FHOD3: variants seen among roughly 807,000 people sequenced by gnomAD.
FHOD3 encodes the protein formin homology 2 domain containing 3.
In FHOD3, 90 loss-of-function variants were observed where a neutral mutation model predicts 173.0. The ratio of observed to expected loss-of-function variants is 0.52; its 90% confidence interval spans 0.44 to 0.62. The LOEUF is 0.62. Ranked by LOEUF, FHOD3 falls within the 20% of genes least tolerant of loss-of-function variation. The pLI, the probability that FHOD3 is intolerant of heterozygous loss-of-function variation, is 0.00. For synonymous variants in FHOD3, 828 were observed against 823.0 expected (o/e 1.01, Z -0.10); for missense variants, 1,945 against 2,034.7 (o/e 0.96, Z 0.85).
At chr18:36,483,040 G>C (rs781707577) in intron 3 of FHOD3, among the ~76,000 whole-genome samples, 5 of 152,242 alleles carry the variant, frequency 3.3e-5, no homozygotes, top group Non-Finnish European at 5.9e-5. Flanking sequence ...AAGAGAGATG[G>C]AACTTCACTT....
chr18:36,504,212 C>T (rs1475308875), intron 4 of FHOD3, among the ~76,000 whole-genome samples: 1 of 152,178 alleles, frequency 6.6e-6, no homozygotes, highest in Non-Finnish European at 1.5e-5. Flanking sequence ...TGATCTACCA[C>T]GCCTGGCCTG....
Position 36,330,656 on chromosome 18 carries a change from T to C in FHOD3, c.166-24883T>C, listed in dbSNP as rs967117116. On this transcript the variant is annotated intron_variant, in intron 1 of 28. Transcript: ENST00000590592. The stretch of plus-strand genomic sequence containing the variant: ...ATCAAGCCTGTGAAAAGCTGGCTGC[T>C]GCCACCAGAGGTAGGCAGGGTGACT... 2.6e-5 allele frequency among the ~76,000 whole-genome samples: 4 copies of C among 152,282 alleles called. No individual in the cohort carries two copies. The East Asian group carries it at 7.7e-4, about 29-fold the overall frequency.
At chr18:36,657,998 T>C in intron 13 of FHOD3, 77 bp from the exon 14 acceptor site, 2 of 1,083,296 alleles carry the variant, frequency 1.8e-6, no homozygotes, top group Non-Finnish European at 2.8e-6. Context: ...ATTAAAATGG[T>C]TTGCTAAGTC....
intron 10 of FHOD3, among the ~76,000 whole-genome samples, chr18:36,638,089 ATACTTCC>A (rs2035020665): frequency 6.6e-6 from 1 of 152,318 alleles, no homozygotes; most frequent in African/African-American, 2.4e-5. Context: ...TAGTATAAGC[ATACTTCC>A]TTTCTCAAAG....
intron 10 of FHOD3, among the ~76,000 whole-genome samples, chr18:36,635,332 G>A (rs1344614283): frequency 6.6e-6 from 1 of 152,220 alleles, no homozygotes; most frequent in Non-Finnish European, 1.5e-5. Context: ...AGGTTCTGAA[G>A]AAATTGGCAA....
At chr18:36,730,579 A>G in intron 19 of FHOD3, 67 bp from the exon 20 acceptor site, 1 of 1,506,796 alleles carries the variant, frequency 6.6e-7, no homozygotes, top group Non-Finnish European at 9.1e-7. Context: ...GAGTGCTTTT[A>G]ATAATGAAAT....
At chr18:36,642,398 T>C (rs2035376510) in intron 10 of FHOD3, among the ~76,000 whole-genome samples, 1 of 152,026 alleles carries the variant, frequency 6.6e-6, no homozygotes, top group South Asian at 2.1e-4. Flanking sequence ...GGCAGGTGGA[T>C]CACGAGGTCA....
At chr18:36,681,361 G>C (rs1191746616) in intron 14 of FHOD3, 75 bp from the exon 15 acceptor site, 2 of 1,573,726 alleles carry the variant, frequency 1.3e-6, no homozygotes, top group African/African-American at 2.7e-5. Flanking sequence ...TTCTAACCAA[G>C]GTCTGACTGG....
chr18:36,758,631 G>A (rs910084254), intron 25 of FHOD3, among the ~76,000 whole-genome samples: 23 of 152,178 alleles, frequency 1.5e-4, no homozygotes, highest in African/African-American at 5.3e-4. Context: ...GGGATCCTGC[G>A]CTCGGGATGG....
chr18:36,623,514 T>C (rs2033867655), intron 9 of FHOD3, among the ~76,000 whole-genome samples: 2 of 152,256 alleles, frequency 1.3e-5, no homozygotes, highest in Non-Finnish European at 2.9e-5. Context: ...AAAGTTGAGA[T>C]GACATATGTG....
rs368139555 is a variant in FHOD3, at chr18:36,489,398, C to T, written c.338-12534C>T. ...AAAACCAACTCGGGTGCGTGTTCTT[C>T]GTTGTTTTTAAAAGAGAACCAGGAT... is the stretch of plus-strand genomic sequence containing the variant. On this transcript the variant is annotated intron_variant, in intron 3 of 28. Coordinates refer to ENST00000590592, the MANE Select transcript of FHOD3 (RefSeq NM_001281740.3). Among the ~76,000 whole-genome samples, 17 of 152,298 alleles carry T rather than the reference C, an allele frequency of 1.1e-4. No individual in the cohort carries two copies. In the East Asian group the frequency reaches 1.7e-3, roughly 16 times the overall value.
intron 5 of FHOD3, among the ~76,000 whole-genome samples, chr18:36,558,923 CTCATACCCACAT>C (rs777118810): frequency 3.1e-4 from 47 of 152,182 alleles, no homozygotes; most frequent in Non-Finnish European, 5.0e-4. Context: ...CCCGCCTGCA[CTCATACCCACAT>C]TCAGACCCCT....
intron 1 of FHOD3, among the ~76,000 whole-genome samples, chr18:36,318,568 A>ATT (rs2044244289): frequency 6.6e-6 from 1 of 152,194 alleles, no homozygotes; most frequent in Non-Finnish European, 1.5e-5. Flanking sequence ...AATTTTGCAC[A>ATT]TTGATTTTGT....
intron 3 of FHOD3, among the ~76,000 whole-genome samples, chr18:36,399,940 G>C (rs927974067): frequency 6.6e-6 from 1 of 152,198 alleles, no homozygotes; most frequent in Non-Finnish European, 1.5e-5. Context: ...ATTTGACTTT[G>C]CTCCTTCTGA....
At chr18:36,513,070 G>A (rs995951725) in intron 5 of FHOD3, among the ~76,000 whole-genome samples, 2 of 151,976 alleles carry the variant, frequency 1.3e-5, no homozygotes, top group South Asian at 2.1e-4. Flanking sequence ...TTTATAAAGC[G>A]ATGCAAATGT....
At chr18:36,720,750 TCTCCTCCTGCTCCTTCTC>T (rs1191776662) in intron 19 of FHOD3, among the ~76,000 whole-genome samples, 1 of 111,552 alleles carries the variant, frequency 9.0e-6, no homozygotes, top group Non-Finnish European at 1.9e-5. Flanking sequence ...TCCTCCTTCT[TCTCCTCCTGCTCCTTCTC>T]CTCCTCCTCC....
chr18:36,708,997 G>C, intron 17 of FHOD3, 98 bp from the exon 18 acceptor site: 1 of 1,440,130 alleles, frequency 6.9e-7, no homozygotes, highest in Non-Finnish European at 9.5e-7. Flanking sequence ...TTGGACATCT[G>C]TCCACCACAG....
At chr18:36,327,697 T>G (rs2044744037) in intron 1 of FHOD3, among the ~76,000 whole-genome samples, 1 of 152,216 alleles carries the variant, frequency 6.6e-6, no homozygotes, top group Non-Finnish European at 1.5e-5. Flanking sequence ...TTATAGCAGT[T>G]TTCTTGTGGG....
At chr18:36,469,235 C>T (rs1183658533) in intron 3 of FHOD3, among the ~76,000 whole-genome samples, 1 of 152,188 alleles carries the variant, frequency 6.6e-6, no homozygotes, top group Non-Finnish European at 1.5e-5. Flanking sequence ...TTGACCCTCT[C>T]AGGGCCAGAT....
Sources: allele counts gnomAD v4.1 joint callset (sites outside exome capture counted in the v4.1 genomes callset), GRCh38; gene constraint gnomAD v4.1.1; transcripts MANE v1.5; gene names NCBI Gene and HGNC (gene_info 2026-07-23, HGNC 2026-07-21).